GPATCH8: variants seen among roughly 807,000 people sequenced by gnomAD.
The protein encoded by GPATCH8 is G patch domain-containing protein 8.
In GPATCH8, 18 loss-of-function variants were observed where a neutral mutation model predicts 118.3. The ratio of observed to expected loss-of-function variants is 0.15; its 90% CI spans 0.11 to 0.23. The LOEUF (loss-of-function observed/expected upper bound fraction) is 0.23. GPATCH8 is among the 10% of genes least tolerant of loss of function. The pLI is 1.00. For missense variants in GPATCH8, 1,631 were observed against 1,873.8 expected, an observed-to-expected ratio of 0.87 and a Z score of 2.39; for synonymous variants, 659 against 684.7, an observed-to-expected ratio of 0.96 and a Z score of 0.59.
At chr17:44,432,159 G>C (rs2050341157) in intron 5 of GPATCH8, among the ~76,000 whole-genome samples, 1 of 151,420 alleles carries the variant, frequency 6.6e-6, no homozygotes. Flanking sequence ...ATACAGGAAA[G>C]AAGTGGAAGG....
At chr17:44,459,574 C>A (rs927750483) in intron 3 of GPATCH8, among the ~76,000 whole-genome samples, 1 of 152,072 alleles carries the variant, frequency 6.6e-6, no homozygotes, top group Non-Finnish European at 1.5e-5. Context: ...TACTTTTACA[C>A]AAAAATTAGT....
intron 1 of GPATCH8, among the ~76,000 whole-genome samples, chr17:44,475,910 T>TGAGCCTGGTGTGAGCC (rs1333008003): frequency 6.6e-6 from 1 of 151,958 alleles, no homozygotes; most frequent in African/African-American, 2.4e-5. Context: ...GAGCCTGTAG[T>TGAGCCTGGTGTGAGCC]CCCAGCTACT....
intron 1 of GPATCH8, chr17:44,486,628 A>G (rs1968805235): frequency 6.6e-6 from 1 of 152,224 alleles, no homozygotes; most frequent in Non-Finnish European, 1.5e-5. Context: ...TTATTAAAAT[A>G]TACTACTAAA....
At position 44,398,492 on chromosome 17, in the gene GPATCH8, T is replaced by G. The variant is rs761409732; in HGVS notation, c.3585A>C (p.Ser1195=). The change falls in exon 8 of 8, where the codon TCA becomes TCC. Residue 1195 remains serine (S), a synonymous_variant. Transcript: ENST00000591680. ...SDALFGHQFP[S]EETTGPLLDP... is the part of the protein sequence containing the mutation. ...CTAATAAGGGGCCAGTTGTTTCCTC[T>G]GAAGGGAACTGATGCCCAAATAGGG... The G allele has an allele frequency of 4.4e-6, 7 of 1,606,300 alleles. No homozygotes were observed. In the Admixed American group the frequency reaches 5.1e-5, roughly 12 times the overall value.
chr17:44,467,583 C>T (rs1234989849), intron 2 of GPATCH8, among the ~76,000 whole-genome samples: 1 of 152,128 alleles, frequency 6.6e-6, no homozygotes, highest in African/African-American at 2.4e-5. Context: ...ACAATAGACA[C>T]ATCTCCCAGA....
At chr17:44,458,685 C>G (rs779344246) in intron 3 of GPATCH8, among the ~76,000 whole-genome samples, 17 of 152,044 alleles carry the variant, frequency 1.1e-4, no homozygotes, top group Non-Finnish European at 2.1e-4. Context: ...CCATGCCTGG[C>G]TAATCTATTT....
At chr17:44,427,038 T>C (rs1174667988) in intron 5 of GPATCH8, among the ~76,000 whole-genome samples, 2 of 152,156 alleles carry the variant, frequency 1.3e-5, no homozygotes, top group African/African-American at 4.8e-5. Context: ...TACACACATA[T>C]ACATAAGTTG....
rs1271937255 is a variant in GPATCH8, at chr17:44,400,970, G to C, written c.1107C>G (p.Ser369=). Reference sequence around the variant, plus strand: ...TTAATTTGGATAATGTTGAGGCAAGGGACCCTCCATCCTGAGGGTCTTCAT... The same window carrying C: ...TTAATTTGGATAATGTTGAGGCAAGCGACCCTCCATCCTGAGGGTCTTCAT... The part of the protein sequence containing the change: ...KEDEDPQDGG[S]LASTLSKLKR... Residue 369 remains serine, a synonymous_variant, in exon 8 of 8, where the codon TCC becomes TCG. Transcript: ENST00000591680. 1 of 1,613,580 alleles carries C rather than the reference G, an allele frequency of 6.2e-7. No individual in the cohort carries two copies. Among genetic ancestry groups the C allele is most frequent in the Admixed American group, 1.7e-5 (1 of 60,002 alleles).
intron 6 of GPATCH8, among the ~76,000 whole-genome samples, chr17:44,420,472 G>A (rs1249662057): frequency 2.0e-5 from 3 of 152,186 alleles, no homozygotes; most frequent in Non-Finnish European, 4.4e-5. Context: ...CATTGTAGAT[G>A]TTACCAGCAT....
At chr17:44,410,962 T>C (rs1171063437) in intron 6 of GPATCH8, among the ~76,000 whole-genome samples, 1 of 152,204 alleles carries the variant, frequency 6.6e-6, no homozygotes, top group African/African-American at 2.4e-5. Context: ...CAGCATTATA[T>C]TGGCAGAAAA....
chr17:44,397,262 T>C lies in GPATCH8; in HGVS notation c.*306A>G. The C allele has an allele frequency of 1.8e-6, 1 of 557,334 alleles. No individual in the cohort carries two copies. Among genetic ancestry groups the C allele is most frequent in the Non-Finnish European group, 3.4e-6 (1 of 293,622 alleles). The allele number at this position is 557,334 out of a possible 1,614,324, so 34.5% of individuals were successfully genotyped here. On this transcript the variant is annotated 3_prime_UTR_variant, in exon 8 of 8. Transcript: ENST00000591680. ...GAAAAAAGCAGAGGGAGGAGGGGATTATCTAAACTTGACAGTTTGGAGATG... is the reference window on the plus strand; with the variant it reads ...GAAAAAAGCAGAGGGAGGAGGGGATCATCTAAACTTGACAGTTTGGAGATG...
intron 2 of GPATCH8, among the ~76,000 whole-genome samples, chr17:44,472,401 C>G (rs1307245993): frequency 6.6e-6 from 1 of 152,144 alleles, no homozygotes; most frequent in Non-Finnish European, 1.5e-5. Flanking sequence ...TAGCATTAGC[C>G]TCATGTGCCA....
At chr17:44,472,724 C>G (rs1187869206) in intron 2 of GPATCH8, among the ~76,000 whole-genome samples, 1 of 152,064 alleles carries the variant, frequency 6.6e-6, no homozygotes, top group Admixed American at 6.6e-5. Flanking sequence ...GAGATGGAGT[C>G]TCGCTCTGTC....
Position 44,395,454 on chromosome 17 carries a change from G to A in GPATCH8, c.*2114C>T. ...AAGTTAAAGAAAATGCCCCTAGGAA[G>A]GCAAAGAGGCAGCCAGAGTATGGCT... On this transcript the variant is annotated 3_prime_UTR_variant, in exon 8 of 8. Transcript: ENST00000591680. The A allele has an allele frequency of 2.2e-6, 1 of 454,466 alleles. No individual in the cohort carries two copies. The highest frequency in any genetic ancestry group is 4.4e-6 in the Non-Finnish European group (1 of 226,762). The allele number at this position is 454,466 out of a possible 1,614,324, so 28.2% of individuals were successfully genotyped here.
intron 1 of GPATCH8, among the ~76,000 whole-genome samples, chr17:44,500,942 GAA>G (rs1180467865): frequency 6.6e-6 from 1 of 152,188 alleles, no homozygotes; most frequent in African/African-American, 2.4e-5. Context: ...ATCATTAAAT[GAA>G]AGTCAATCTG....
intron 3 of GPATCH8, among the ~76,000 whole-genome samples, chr17:44,444,679 A>C (rs2050812825): frequency 6.6e-6 from 1 of 152,188 alleles, no homozygotes; most frequent in Non-Finnish European, 1.5e-5. Flanking sequence ...AGGCTGAGGC[A>C]GGAGAATCAC....
chr17:44,416,232 A>C (rs2049678534), intron 6 of GPATCH8, among the ~76,000 whole-genome samples: 2 of 152,132 alleles, frequency 1.3e-5, no homozygotes, highest in South Asian at 4.1e-4. Flanking sequence ...GCTGGTCTCG[A>C]ACTTCTCACC....
intron 6 of GPATCH8, among the ~76,000 whole-genome samples, chr17:44,410,564 T>C (rs750850448): frequency 1.3e-5 from 2 of 152,226 alleles, no homozygotes; most frequent in African/African-American, 4.8e-5. Context: ...ATAAATTAGA[T>C]TATGTTATTG....
rs142726370 is a variant in GPATCH8 at position 44,398,731 on chromosome 17, G to C, written c.3346C>G (p.Pro1116Ala). The C allele has an allele frequency of 3.1e-6, 5 of 1,610,858 alleles. No individual in the cohort carries two copies. The African/African-American group carries it at 6.7e-5, about 22-fold the overall frequency. ...PSVSEEVQAT[P>A]NKAGPKLKDP... ...TTGAGCTTGGGCCCAGCTTTATTAG[G>C]GGTGGCCTGCACCTCCTCACTCACA... Residue 1116 changes from proline (P) to alanine (A), a missense_variant, in exon 8 of 8, where the codon CCT (proline) becomes GCT (alanine). Physicochemically the swap from Pro to Ala is conservative, Grantham distance 27 (BLOSUM62 -1). Transcript: ENST00000591680.
Sources: allele counts gnomAD v4.1 joint callset (sites outside exome capture counted in the v4.1 genomes callset), GRCh38; gene constraint gnomAD v4.1.1; transcripts MANE v1.5; gene names NCBI Gene and HGNC (gene_info 2026-07-23, HGNC 2026-07-21).